MEI4: variants seen among roughly 807,000 people sequenced by gnomAD.
MEI4 encodes the protein meiosis-specific protein MEI4.
A neutral mutation model predicts 31.4 loss-of-function variants in MEI4; 27 were observed. The observed-to-expected ratio is 0.86, with a 90% CI of 0.63 to 1.19. The LOEUF (loss-of-function observed/expected upper bound fraction) is 1.19, where lower values mean the gene tolerates loss of function less well. MEI4 is among the 50% of genes most tolerant of loss of function. The probability of loss-of-function intolerance (pLI) is 0.00; values close to 1 mark genes in which losing one functional copy is unlikely to be tolerated. For synonymous variants in MEI4, 122 were observed against 145.4 expected, an observed-to-expected ratio of 0.84 and a Z score of 1.16; for missense variants, 329 against 398.9, an observed-to-expected ratio of 0.82 and a Z score of 1.49.
At position 77,772,256 on chromosome 6, in the gene MEI4, CAAA is replaced by C. The variant is rs58119358; in HGVS notation, c.768+10603_768+10605del. ...AAAGCAAAACCAGACAAAGACACAT[CAAA>C]AAAAAAAAAAAGAAAACTACAGGCC... On this transcript the variant is annotated intron_variant, in intron 3 of 4. Transcript: ENST00000684080. Among the ~76,000 whole-genome samples the C allele has an allele frequency of 5.6e-3, 786 of 140,352 alleles. 6 individuals are homozygous for C. The highest frequency in any genetic ancestry group is 0.019 in the African/African-American group (758 of 39,150). 92.1% of individuals were successfully genotyped at this position (140,352 alleles called of 152,430 possible). A position where few individuals can be genotyped will look rare whatever the true frequency, so the allele number is the denominator to read the frequency against.
intron 4 of MEI4, among the ~76,000 whole-genome samples, chr6:77,836,268 G>T (rs372302475): frequency 1.3e-5 from 2 of 151,958 alleles, no homozygotes; most frequent in Admixed American, 6.6e-5. Context: ...ATGTTTCTGC[G>T]TACAGTAGCC....
At chr6:77,802,247 T>A (rs1044949185) in intron 3 of MEI4, among the ~76,000 whole-genome samples, 1 of 152,210 alleles carries the variant, frequency 6.6e-6, no homozygotes, top group African/African-American at 2.4e-5. Context: ...TCTCTTTTGA[T>A]CTTTGTTGGT....
chr6:77,906,552 C>A (rs1766301021), intron 4 of MEI4, among the ~76,000 whole-genome samples: 1 of 152,150 alleles, frequency 6.6e-6, no homozygotes, highest in Non-Finnish European at 1.5e-5. Context: ...AGGGTCCTTT[C>A]AGTCTTTTAT....
chr6:77,925,898 C>T lies in MEI4; in HGVS notation c.*2552C>T, dbSNP rs1271133683. The T allele has an allele frequency of 6.6e-6, 1 of 150,752 alleles. No homozygotes were observed. Among genetic ancestry groups the T allele is most frequent in the Admixed American group, 6.6e-5 (1 of 15,046 alleles). The allele number at this position is 150,752 out of a possible 1,614,324, so 9.3% of individuals were successfully genotyped here. A position where few individuals can be genotyped will look rare whatever the true frequency, so the allele number is the denominator to read the frequency against. ...ATAATAAATACCAAATAGCCAGGTA[C>T]TTACCTAAGCATTTTACATATATTA... is the stretch of plus-strand genomic sequence containing the variant. On this transcript the variant is annotated 3_prime_UTR_variant, in exon 5 of 5. Transcript: ENST00000684080.
At chr6:77,770,113 A>G (rs1768275172) in intron 3 of MEI4, among the ~76,000 whole-genome samples, 1 of 152,096 alleles carries the variant, frequency 6.6e-6, no homozygotes, top group South Asian at 2.1e-4. Context: ...ACCCAAGTAA[A>G]TATAATCAAA....
At chr6:77,730,791 A>G (rs1337460305) in intron 2 of MEI4, among the ~76,000 whole-genome samples, 1 of 103,316 alleles carries the variant, frequency 9.7e-6, no homozygotes, top group Admixed American at 1.2e-4. Context: ...CCCCACCCCA[A>G]AACAGTCCCC....
At chr6:77,881,655 C>G (rs1771493109) in intron 4 of MEI4, among the ~76,000 whole-genome samples, 1 of 152,056 alleles carries the variant, frequency 6.6e-6, no homozygotes, top group Non-Finnish European at 1.5e-5. Context: ...CTTCCTCACA[C>G]CTTTGATGCT....
rs553803481 is a variant in MEI4, at chr6:77,845,998, CATT to C, written c.900+16940_900+16942del. Among the ~76,000 whole-genome samples the C allele has an allele frequency of 6.6e-5, 10 of 151,432 alleles. No homozygotes were observed. The South Asian group carries it at 1.5e-3, about 22-fold the overall frequency. ...ATTATTTATATTTATTATCTTTTCT[CATT>C]ATTTTCATTTCTTCTTTTCTATTAC... On this transcript the variant is annotated intron_variant, in intron 4 of 4. Coordinates refer to ENST00000684080, the MANE Select transcript of MEI4 (RefSeq NM_001322247.2).
At chr6:77,746,449 G>A (rs756335412) in intron 2 of MEI4, among the ~76,000 whole-genome samples, 9 of 152,054 alleles carry the variant, frequency 5.9e-5, no homozygotes, top group Admixed American at 1.3e-4. Context: ...GCCTTGAGCT[G>A]GGACATGGCA....
At chr6:77,823,729 A>G (rs1162767157) in intron 3 of MEI4, among the ~76,000 whole-genome samples, 2 of 152,186 alleles carry the variant, frequency 1.3e-5, no homozygotes, top group African/African-American at 4.8e-5. Flanking sequence ...CATTTTTATT[A>G]TAGAATAATA....
chr6:77,853,585 G>C (rs1287715152), intron 4 of MEI4, among the ~76,000 whole-genome samples: 1 of 152,178 alleles, frequency 6.6e-6, no homozygotes, highest in Non-Finnish European at 1.5e-5. Flanking sequence ...TGTGCATCAG[G>C]GTGCTTTGAA....
Position 77,923,204 on chromosome 6 carries a change from A to G in MEI4, c.1016A>G (p.Asp339Gly). The G allele has an allele frequency of 4.9e-6, 6 of 1,230,662 alleles. No homozygotes were observed. The highest frequency in any genetic ancestry group is 6.1e-6 in the Non-Finnish European group (6 of 986,954). 76.2% of individuals were successfully genotyped at this position (1,230,662 alleles called of 1,614,324 possible). A position where few individuals can be genotyped will look rare whatever the true frequency, so the allele number is the denominator to read the frequency against. ...GGCAACACTTCAAGTATAGGTCATGATGACCAAGAAATCAAGAAATTTCTT... is the reference window on the plus strand; with the variant it reads ...GGCAACACTTCAAGTATAGGTCATGGTGACCAAGAAATCAAGAAATTTCTT... ...EEGNTSSIGH[D>G]DQEIKKFLQK... is the part of the protein sequence containing the mutation. Residue 339 changes from aspartate (D) to glycine (G), a missense_variant, in exon 5 of 5, where the codon GAT (aspartate) becomes GGT (glycine). Asp to Gly is a moderately conservative substitution (Grantham distance 94). Coordinates refer to ENST00000684080, the MANE Select transcript of MEI4 (RefSeq NM_001322247.2).
chr6:77,816,925 T>C (rs9361293), intron 3 of MEI4, among the ~76,000 whole-genome samples: 22,856 of 152,162 alleles, frequency 0.15, 2,084 homozygotes, highest in East Asian at 0.39. Flanking sequence ...ATGTTGTATC[T>C]GTTAAGACAT....
chr6:77,837,700 G>A (rs1770254765), intron 4 of MEI4, among the ~76,000 whole-genome samples: 1 of 151,934 alleles, frequency 6.6e-6, no homozygotes, highest in Non-Finnish European at 1.5e-5. Context: ...CCAATTCCTG[G>A]TATATATAAA....
chr6:77,693,911 G>A (rs764661978), intron 2 of MEI4, among the ~76,000 whole-genome samples: 1 of 152,050 alleles, frequency 6.6e-6, no homozygotes, highest in African/African-American at 2.4e-5. Context: ...AGTGTGTAGA[G>A]ACAGAAAGTA....
At chr6:77,804,255 T>C (rs777238088) in intron 3 of MEI4, among the ~76,000 whole-genome samples, 6 of 151,726 alleles carry the variant, frequency 4.0e-5, no homozygotes, top group Non-Finnish European at 7.4e-5. Context: ...CTCTGAGCCA[T>C]GTACGGGATA....
At chr6:77,713,078 A>G (rs1300569566) in intron 2 of MEI4, among the ~76,000 whole-genome samples, 1 of 152,130 alleles carries the variant, frequency 6.6e-6, no homozygotes, top group Non-Finnish European at 1.5e-5. Flanking sequence ...CAATAAGAAA[A>G]AGTGGCTTTT....
chr6:77,898,821 C>G lies in MEI4; in HGVS notation c.901-24268C>G, dbSNP rs531070261. On this transcript the variant is annotated intron_variant, in intron 4 of 4. Coordinates refer to ENST00000684080, the MANE Select transcript of MEI4 (RefSeq NM_001322247.2). ...ACTTTCCTTTTGTCCCTTTAGATCT[C>G]TCTGTCTTTTCTGTATCAGAGATAG... Among the ~76,000 whole-genome samples, 6 of 151,972 alleles carry G rather than the reference C, an allele frequency of 3.9e-5. No homozygotes were observed. The East Asian group carries it at 9.7e-4, about 24-fold the overall frequency.
chr6:77,874,935 A>G (rs1271304005), intron 4 of MEI4, among the ~76,000 whole-genome samples: 1 of 152,148 alleles, frequency 6.6e-6, no homozygotes, highest in African/African-American at 2.4e-5. Flanking sequence ...TTGAACTAGA[A>G]AGGCAGGAAG....
Sources: allele counts gnomAD v4.1 joint callset (sites outside exome capture counted in the v4.1 genomes callset), GRCh38; gene constraint gnomAD v4.1.1; transcripts MANE v1.5; gene names NCBI Gene and HGNC (gene_info 2026-07-23, HGNC 2026-07-21).